Variants in ANK1 observed in about 807,000 individuals in gnomAD.
The protein encoded by ANK1 is ankyrin 1, also known as ankyrin-1.
In ANK1, 51 loss-of-function variants were observed where a neutral mutation model predicts 210.4. The observed-to-expected ratio is 0.24, with a 90% CI of 0.19 to 0.31. The LOEUF (loss-of-function observed/expected upper bound fraction) is 0.31, where lower values mean the gene tolerates loss of function less well. ANK1 is among the 10% of genes least tolerant of loss of function. ANK1 has a pLI of 1.00. For synonymous variants in ANK1, 967 were observed against 1,025.9 expected (o/e 0.94, Z 1.10); for missense variants, 2,051 against 2,504.4 (o/e 0.82, Z 3.86).
intron 1 of ANK1, among the ~76,000 whole-genome samples, chr8:41,776,750 T>C (rs1416812310): frequency 2.0e-5 from 3 of 152,266 alleles, no homozygotes; most frequent in African/African-American, 7.2e-5. Context: ...CTGGCCTACC[T>C]ATGCCTCTTT....
chr8:41,714,788 G>T (rs138879836), intron 15 of ANK1, among the ~76,000 whole-genome samples, 188 bp downstream of exon 15: 3 of 152,050 alleles, frequency 2.0e-5, no homozygotes, highest in African/African-American at 7.2e-5. Flanking sequence ...TTGAGCCCAG[G>T]AGTCAAAATT....
At chr8:41,879,875 T>C (rs1370260902) in intron 1 of ANK1, among the ~76,000 whole-genome samples, 4 of 152,196 alleles carry the variant, frequency 2.6e-5, no homozygotes, top group Non-Finnish European at 5.9e-5. Context: ...AAAAGATTGT[T>C]TAAGGTGTTA....
chr8:41,746,925 A>C (rs1008016199), intron 2 of ANK1, among the ~76,000 whole-genome samples: 12 of 151,922 alleles, frequency 7.9e-5, no homozygotes, highest in African/African-American at 2.9e-4. Flanking sequence ...GTCAGGAGAA[A>C]GGAACCCTGG....
intron 22 of ANK1, chr8:41,700,525 T>C: frequency 6.8e-7 from 1 of 1,464,782 alleles, no homozygotes. Flanking sequence ...AGGCATATAT[T>C]ATCCAAAGGA....
intron 1 of ANK1, among the ~76,000 whole-genome samples, chr8:41,809,402 G>T (rs995283599): frequency 2.0e-5 from 3 of 152,296 alleles, no homozygotes; most frequent in East Asian, 1.9e-4. Flanking sequence ...ATGCACTATG[G>T]TGTGTGATAC....
At chr8:41,877,081 G>A (rs1418645313) in intron 1 of ANK1, among the ~76,000 whole-genome samples, 2 of 152,172 alleles carry the variant, frequency 1.3e-5, no homozygotes, top group Non-Finnish European at 2.9e-5. Flanking sequence ...ATTGCTTGAG[G>A]CTGGCAGTTC....
chr8:41,831,874 CA>C (rs1459472929), intron 1 of ANK1, among the ~76,000 whole-genome samples: 1 of 152,178 alleles, frequency 6.6e-6, no homozygotes, highest in Admixed American at 6.5e-5. Flanking sequence ...TATGGATTCA[CA>C]CAGCAACACG....
intron 23 of ANK1, 29 bp downstream of exon 23, chr8:41,699,423 C>A: frequency 6.2e-7 from 1 of 1,610,948 alleles, no homozygotes; most frequent in East Asian, 2.2e-5. Context: ...CTCGGCACCC[C>A]CGGGGACCCT....
chr8:41,837,152 A>G (rs1807909089), intron 1 of ANK1, among the ~76,000 whole-genome samples: 1 of 152,152 alleles, frequency 6.6e-6, no homozygotes, highest in African/African-American at 2.4e-5. Flanking sequence ...AATATCATCA[A>G]CCCCTTTCTC....
At chr8:41,848,938 C>T (rs143014470) in intron 1 of ANK1, among the ~76,000 whole-genome samples, 3 of 152,338 alleles carry the variant, frequency 2.0e-5, no homozygotes, top group African/African-American at 7.2e-5. Context: ...GTGACCATTG[C>T]CCCTGGTGCG....
chr8:41,680,473 G>A (rs1815624352), intron 37 of ANK1, among the ~76,000 whole-genome samples: 1 of 151,042 alleles, frequency 6.6e-6, no homozygotes, highest in African/African-American at 2.4e-5. Context: ...TGAGGCAGGA[G>A]AATCACTTGA....
rs74696441 is a variant in ANK1 at position 41,728,377 on chromosome 8, C to T, written c.229-371G>A. Reference sequence around the variant, plus strand: ...AAGTATGAGCTACATAATGTGCACACGTGGACATACAGAGAGTGGAGAGAC... The same window carrying T: ...AAGTATGAGCTACATAATGTGCACATGTGGACATACAGAGAGTGGAGAGAC... On this transcript the variant is annotated intron_variant, in intron 3 of 42. Coordinates refer to ENST00000289734, the MANE Select transcript of ANK1 (RefSeq NM_000037.4). 2.2e-4 allele frequency among the ~76,000 whole-genome samples: 34 copies of T among 152,262 alleles called. 1 individual carries two copies. The East Asian group carries it at 3.3e-3, about 15-fold the overall frequency.
At position 41,727,798 on chromosome 8, in the gene ANK1, C is replaced by CA. The variant is rs1206466034; in HGVS notation, c.327+109dup. On this transcript the variant is annotated intron_variant, in intron 4 of 42. Coordinates refer to ENST00000289734, the MANE Select transcript of ANK1 (RefSeq NM_000037.4). ...CTCCTGAGAAATCTAGGCCCTGCCC[C>CA]ACAGTAGTGTGTGTGTTAACACGGC... 4.0e-6 allele frequency: 4 copies of CA among 1,011,504 alleles called. No individual in the cohort carries two copies. The African/African-American group carries it at 6.3e-5, about 16-fold the overall frequency. The allele number at this position is 1,011,504 out of a possible 1,614,324, so 62.7% of individuals were successfully genotyped here.
At chr8:41,836,250 T>A (rs906290) in intron 1 of ANK1, among the ~76,000 whole-genome samples, 65,480 of 152,182 alleles carry the variant, frequency 0.43, 14,774 homozygotes, top group East Asian at 0.79. Flanking sequence ...TGCTGCCGAC[T>A]GCTCAGTATT....
intron 1 of ANK1, among the ~76,000 whole-genome samples, chr8:41,857,899 A>G (rs186077880): frequency 2.7e-5 from 4 of 150,174 alleles, no homozygotes; most frequent in Admixed American, 2.0e-4. Flanking sequence ...GTGAGACTCC[A>G]TCTCAAAAAT....
chr8:41,702,928 T>C (rs1823266163), intron 20 of ANK1, among the ~76,000 whole-genome samples: 1 of 152,100 alleles, frequency 6.6e-6, no homozygotes. Context: ...CAAGTGGTTC[T>C]TGTGCCTCAG....
At chr8:41,771,023 T>C (rs1006023300) in intron 1 of ANK1, among the ~76,000 whole-genome samples, 6 of 152,200 alleles carry the variant, frequency 3.9e-5, no homozygotes, top group African/African-American at 1.4e-4. Flanking sequence ...TCTATGTGAC[T>C]GGCACAGTGC....
chr8:41,862,123 C>T (rs1406309504), intron 1 of ANK1, among the ~76,000 whole-genome samples: 5 of 152,196 alleles, frequency 3.3e-5, no homozygotes, highest in African/African-American at 1.2e-4. Context: ...TCCCTCTGGC[C>T]TCCCAAGGAC....
At position 41,843,271 on chromosome 8, in the gene ANK1, T is replaced by C. The variant is rs1041963306; in HGVS notation, c.126+53084A>G. On this transcript the variant is annotated intron_variant, in intron 1 of 42. Coordinates refer to the ANK1 transcript ENST00000265709. ...ATGTGTAGTGATCAAGTCAAGGTATTCCTGTGTCCATCACCCAAGTATAAT... is the reference window on the plus strand; with the variant it reads ...ATGTGTAGTGATCAAGTCAAGGTATCCCTGTGTCCATCACCCAAGTATAAT... Among the ~76,000 whole-genome samples the C allele has an allele frequency of 8.5e-5, 13 of 152,216 alleles. 1 individual carries two copies. Among genetic ancestry groups the C allele is most frequent in the Admixed American group, 8.5e-4 (13 of 15,284 alleles).
Sources: gnomAD v4.1 joint callset for allele counts (sites outside exome capture counted in the v4.1 genomes callset) on GRCh38, gnomAD v4.1.1 for gene constraint, MANE v1.5 for transcripts, NCBI Gene and HGNC (gene_info 2026-07-23, HGNC 2026-07-21) for gene names.